ST18: variants seen among roughly 807,000 people sequenced by gnomAD.
ST18 encodes the protein ST18 C2H2C-type zinc finger transcription factor.
ST18 carries 50 observed loss-of-function variants against 110.0 expected under a neutral mutation model. That is an observed-to-expected ratio of 0.45 (90% confidence interval 0.36 to 0.58). The LOEUF (loss-of-function observed/expected upper bound fraction) is 0.58, where lower values mean the gene tolerates loss of function less well. Among genes scored for constraint, ST18 ranks in the 20% least tolerant of loss-of-function variants. ST18 has a pLI of 0.00. For missense variants in ST18, 1,306 were observed against 1,280.1 expected (o/e 1.02, Z -0.31); for synonymous variants, 461 against 452.4 (o/e 1.02, Z -0.24).
intron 2 of ST18, among the ~76,000 whole-genome samples, chr8:52,316,576 T>C (rs2096031175): frequency 6.6e-6 from 1 of 152,206 alleles, no homozygotes; most frequent in South Asian, 2.1e-4. Context: ...AGGATGATGG[T>C]TATTTTGGTT....
intron 15 of ST18, 66 bp from the exon 16 acceptor site, chr8:52,150,043 C>CT: frequency 6.5e-7 from 1 of 1,527,028 alleles, no homozygotes; most frequent in South Asian, 1.3e-5. Flanking sequence ...CCATGTGGGG[C>CT]TTTTAAGGGA....
intron 2 of ST18, among the ~76,000 whole-genome samples, chr8:52,262,382 A>G (rs1311000182): frequency 1.1e-4 from 16 of 152,204 alleles, no homozygotes. Context: ...GTGCAGCAGT[A>G]TATGTATATG....
chr8:52,238,186 A>C (rs1187553262), intron 2 of ST18, among the ~76,000 whole-genome samples: 1 of 152,228 alleles, frequency 6.6e-6, no homozygotes, highest in African/African-American at 2.4e-5. Context: ...GAGTTTCTAT[A>C]TAATCCAACA....
At chr8:52,256,477 C>T (rs1303015480) in intron 2 of ST18, among the ~76,000 whole-genome samples, 1 of 152,170 alleles carries the variant, frequency 6.6e-6, no homozygotes, top group Non-Finnish European at 1.5e-5. Flanking sequence ...ATCCTCCTGC[C>T]TCAGTCTCCC....
intron 2 of ST18, among the ~76,000 whole-genome samples, chr8:52,388,871 T>A (rs13269615): frequency 2.1e-5 from 3 of 144,740 alleles, no homozygotes; most frequent in Admixed American, 6.9e-5. Context: ...TGCTAAATGA[T>A]GAGTTAATGG....
chr8:52,149,750 C>T lies in ST18; in HGVS notation c.2034G>A (p.Lys678=), dbSNP rs1256987523. ...ACAATACCTCTTTCTCCTCCTCTGT[C>T]TTCCCGTGAGTTTTGCTATAGTTGA... ...TPINYSKTHG[K]TEEEKEKDPV... Residue 678 remains lysine (K), a synonymous_variant, in exon 16 of 26, where the codon AAG becomes AAA. Coordinates refer to ENST00000689386, the MANE Select transcript of ST18 (RefSeq NM_001352837.2). The T allele has an allele frequency of 6.2e-7, 1 of 1,614,026 alleles. No homozygotes were observed.
At chr8:52,388,040 G>A (rs1418534629) in intron 2 of ST18, among the ~76,000 whole-genome samples, 1 of 151,428 alleles carries the variant, frequency 6.6e-6, no homozygotes, top group Non-Finnish European at 1.5e-5. Context: ...TATGTTTGCA[G>A]GGGAGAGAGA....
At chr8:52,122,472 ATTAT>A (rs572146466) in intron 23 of ST18, among the ~76,000 whole-genome samples, 5 of 151,558 alleles carry the variant, frequency 3.3e-5, no homozygotes, top group Admixed American at 1.3e-4. Context: ...GTGAACTTCT[ATTAT>A]TTATTTATTT....
intron 2 of ST18, among the ~76,000 whole-genome samples, chr8:52,338,723 C>T (rs1813390799): frequency 1.3e-5 from 2 of 152,010 alleles, no homozygotes; most frequent in African/African-American, 4.8e-5. Context: ...CACACCTGGC[C>T]TCTTTTTTTT....
chr8:52,265,181 C>A (rs1441560217), intron 2 of ST18, among the ~76,000 whole-genome samples: 1 of 152,174 alleles, frequency 6.6e-6, no homozygotes, highest in Non-Finnish European at 1.5e-5. Flanking sequence ...CAGGACAAGG[C>A]AACTGCCGAA....
intron 2 of ST18, among the ~76,000 whole-genome samples, chr8:52,369,728 C>T (rs756831686): frequency 1.0e-3 from 157 of 152,056 alleles, no homozygotes; most frequent in Non-Finnish European, 9.4e-4. Context: ...AAAACATAAA[C>T]GTATTGATTC....
At chr8:52,145,024 G>C (rs2056745378) in intron 16 of ST18, among the ~76,000 whole-genome samples, 1 of 151,282 alleles carries the variant, frequency 6.6e-6, no homozygotes, top group Admixed American at 6.6e-5. Flanking sequence ...TCTCAATGTG[G>C]AACAGCCTTT....
At chr8:52,348,778 A>G (rs181955950) in intron 2 of ST18, among the ~76,000 whole-genome samples, 141 of 152,290 alleles carry the variant, frequency 9.3e-4, no homozygotes, top group African/African-American at 3.3e-3. Flanking sequence ...CATGTACAGT[A>G]TGAAGTTGTG....
At chr8:52,302,644 A>G (rs940288106) in intron 2 of ST18, among the ~76,000 whole-genome samples, 1 of 152,212 alleles carries the variant, frequency 6.6e-6, no homozygotes, top group African/African-American at 2.4e-5. Context: ...AACATTTTGT[A>G]GTGTGAAAAA....
intron 6 of ST18, among the ~76,000 whole-genome samples, chr8:52,216,938 CAA>C (rs1000241874): frequency 1.3e-5 from 2 of 152,120 alleles, no homozygotes; most frequent in Non-Finnish European, 2.9e-5. Context: ...ATCATTCTTT[CAA>C]AGTCTTCCGG....
chr8:52,204,383 C>T (rs1039671212), intron 8 of ST18, among the ~76,000 whole-genome samples: 26 of 152,174 alleles, frequency 1.7e-4, no homozygotes, highest in Admixed American at 5.2e-4. Flanking sequence ...AACTTCCAAA[C>T]GCCCGTTAAT....
At chr8:52,115,880 C>T (rs1344716174) in intron 25 of ST18, among the ~76,000 whole-genome samples, 2 of 151,976 alleles carry the variant, frequency 1.3e-5, no homozygotes, top group African/African-American at 2.4e-5. Flanking sequence ...GGGAATTGAA[C>T]ATTTTTGGTT....
At chr8:52,298,672 C>T (rs1451403478) in intron 2 of ST18, among the ~76,000 whole-genome samples, 1 of 152,102 alleles carries the variant, frequency 6.6e-6, no homozygotes, top group Non-Finnish European at 1.5e-5. Context: ...CATGGAGCCA[C>T]GAAACTATAT....
intron 2 of ST18, among the ~76,000 whole-genome samples, chr8:52,238,224 A>G (rs2092949433): frequency 6.6e-6 from 1 of 152,224 alleles, no homozygotes; most frequent in Non-Finnish European, 1.5e-5. Flanking sequence ...ATACCCAAGA[A>G]GAATGAAAAC....
Sources: gnomAD v4.1 joint callset for allele counts (sites outside exome capture counted in the v4.1 genomes callset) on GRCh38, gnomAD v4.1.1 for gene constraint, MANE v1.5 for transcripts, NCBI Gene and HGNC (gene_info 2026-07-23, HGNC 2026-07-21) for gene names.